FAM120C: variants seen among roughly 807,000 people sequenced by gnomAD.
FAM120C encodes the protein constitutive coactivator of PPAR-gamma-like protein 2.
Under a neutral mutation model 71.2 loss-of-function variants are expected in FAM120C, and 14 were observed. That is an observed-to-expected ratio of 0.20 (90% CI 0.13 to 0.31). FAM120C has a LOEUF of 0.31. Among genes scored for constraint, FAM120C ranks in the 10% least tolerant of loss-of-function variants. The pLI is 1.00. For synonymous variants in FAM120C, 354 were observed against 353.2 expected (o/e 1.00, Z -0.03); for missense variants, 500 against 879.0 (o/e 0.57, Z 5.45).
intron 12 of FAM120C, among the ~76,000 whole-genome samples, chrX:54,086,315 C>T (rs2066793944): frequency 8.9e-6 from 1 of 112,138 alleles, no homozygotes; most frequent in South Asian, 3.7e-4. Context: ...TTAACCTTCT[C>T]CCCCATATCC....
chrX:54,083,374 G>C (rs781918511), intron 13 of FAM120C, among the ~76,000 whole-genome samples: 3 of 107,289 alleles, frequency 2.8e-5, no homozygotes, highest in Non-Finnish European at 5.8e-5. Context: ...AGCCAAGGCA[G>C]GCAGGATCGC....
chrX:54,128,425 G>A (rs940206086), intron 9 of FAM120C, among the ~76,000 whole-genome samples: 5 of 110,920 alleles, frequency 4.5e-5, no homozygotes, highest in Non-Finnish European at 9.4e-5. Context: ...TATATTTGTC[G>A]GTCACTTGTA....
chrX:54,182,869 G>GGCGGC lies in FAM120C; in HGVS notation c.329_330insGCCGC (p.Gln112ProfsTer87), dbSNP rs1557137665. On this transcript the variant is annotated frameshift_variant, in exon 1 of 16. Transcript: ENST00000375180. LOFTEE classifies it high-confidence loss of function. ...GCACCCGGGCCCCGGGCAGCTGAGG[G>GGCGGC]GGCGGCGGCGGCGGCAGCGGAGGGT... 9.9e-4 allele frequency: 1,124 copies of GGCGGC among 1,132,890 alleles called. 6 individuals carry two copies. The highest frequency in any genetic ancestry group is 8.2e-4 in the Non-Finnish European group (700 of 858,884). 93.4% of individuals were successfully genotyped at this position (1,132,890 alleles called of 1,213,427 possible). A position where few individuals can be genotyped will look rare whatever the true frequency, so the allele number is the denominator to read the frequency against.
At chrX:54,170,536 T>C (rs1557135799) in intron 1 of FAM120C, among the ~76,000 whole-genome samples, 1 of 112,021 alleles carries the variant, frequency 8.9e-6, no homozygotes, top group Non-Finnish European at 1.9e-5. Flanking sequence ...ACTTGGATTT[T>C]TAAAAAACCT....
intron 10 of FAM120C, among the ~76,000 whole-genome samples, chrX:54,095,948 G>A (rs905180133): frequency 4.5e-5 from 5 of 111,498 alleles, no homozygotes; most frequent in Non-Finnish European, 3.8e-5. Context: ...GAGCCACTGT[G>A]CCAGGCCACA....
intron 13 of FAM120C, 79 bp downstream of exon 13, chrX:54,085,636 C>T: frequency 2.1e-6 from 2 of 934,262 alleles, no homozygotes; most frequent in Non-Finnish European, 1.5e-6. Flanking sequence ...ACTGTTGATC[C>T]TGTTATTGAC....
chrX:54,088,182 T>G (rs2066804196), intron 11 of FAM120C, among the ~76,000 whole-genome samples: 1 of 111,470 alleles, frequency 9.0e-6, no homozygotes, highest in Non-Finnish European at 1.9e-5. Context: ...TGAGACATTT[T>G]TTTTTCACCT....
Position 54,085,903 on chromosome X carries a change from G to C in FAM120C, c.2651C>G (p.Thr884Ser), listed in dbSNP as rs782315833. 5.0e-6 allele frequency: 6 copies of C among 1,211,409 alleles called. No homozygotes were observed. Among genetic ancestry groups the C allele is most frequent in the Non-Finnish European group, 6.7e-6 (6 of 895,215 alleles). ...ELCDGQADLA[T>S]KVEKMRQSIL... The stretch of plus-strand genomic sequence containing the variant: ...GCTCTGTCTCATCTTTTCCACTTTG[G>C]TTGCCAGGTCAGCCTTCAAATGAGG... Residue 884 changes from threonine (T) to serine (S), a missense_variant, in exon 13 of 16, where the codon ACC (threonine) becomes AGC (serine). This residue lies in a region of FAM120C where 104 missense variants were observed against 254.5 expected (regional missense o/e 0.41). Coordinates refer to ENST00000375180, the MANE Select transcript of FAM120C (RefSeq NM_017848.6).
intron 9 of FAM120C, among the ~76,000 whole-genome samples, chrX:54,128,553 G>A (rs1343999057): frequency 1.8e-5 from 2 of 109,993 alleles, no homozygotes; most frequent in Non-Finnish European, 3.8e-5. Context: ...GACAATAGTG[G>A]AGGGAAGGTC....
intron 4 of FAM120C, among the ~76,000 whole-genome samples, chrX:54,143,474 T>C (rs1557131985): frequency 8.9e-6 from 1 of 112,254 alleles, no homozygotes; most frequent in African/African-American, 3.2e-5. Flanking sequence ...TAAAAAATGA[T>C]AAAGGGGATA....
intron 9 of FAM120C, among the ~76,000 whole-genome samples, chrX:54,118,855 C>A (rs1424975962): frequency 7.2e-5 from 3 of 41,544 alleles, no homozygotes; most frequent in Non-Finnish European, 1.2e-4. Flanking sequence ...CCAATGCTAT[C>A]CCTCCCCCCT....
intron 1 of FAM120C, among the ~76,000 whole-genome samples, chrX:54,168,683 T>C (rs1603364781): frequency 1.8e-5 from 2 of 111,658 alleles, no homozygotes; most frequent in South Asian, 3.8e-4. Flanking sequence ...TTTCAACCAA[T>C]AGGTACTGAA....
At chrX:54,160,872 T>C (rs1014080707) in intron 1 of FAM120C, among the ~76,000 whole-genome samples, 2 of 111,489 alleles carry the variant, frequency 1.8e-5, no homozygotes, top group Non-Finnish European at 3.8e-5. Context: ...TGGACCTTGA[T>C]AGTTTTTTTC....
rs149799597 is a variant in FAM120C at position 54,085,797 on chromosome X, G to A, written c.2757C>T (p.Pro919=). The A allele has an allele frequency of 7.9e-5, 95 of 1,209,608 alleles. No individual in the cohort carries two copies. In the African/African-American group the frequency reaches 1.3e-3, roughly 17 times the overall value. The part of the protein sequence containing the change: ...PSPTFVPPMV[P]SLYPVSLYSR... ...AATAAAGTGAAACAGGGTAGAGAGA[G>A]GGCACCATGGGAGGCACAAAAGTAG... Residue 919 remains proline (P), a synonymous_variant, in exon 13 of 16, where the codon CCC becomes CCT. Coordinates refer to ENST00000375180, the MANE Select transcript of FAM120C (RefSeq NM_017848.6).
chrX:54,112,935 G>T (rs1278330576), intron 10 of FAM120C, among the ~76,000 whole-genome samples: 1 of 110,379 alleles, frequency 9.1e-6, no homozygotes, highest in Non-Finnish European at 1.9e-5. Context: ...CAGGAGAATC[G>T]CTTGAACCTG....
At chrX:54,153,102 A>C (rs1385880643) in intron 3 of FAM120C, among the ~76,000 whole-genome samples, 15 of 111,577 alleles carry the variant, frequency 1.3e-4, no homozygotes, top group African/African-American at 3.9e-4. Context: ...AGTAGAGAAG[A>C]AGCTAGGGAA....
intron 15 of FAM120C, 146 bp from the exon 16 acceptor site, chrX:54,073,433 C>CTT (rs1237792457): frequency 3.5e-4 from 145 of 416,197 alleles, no homozygotes; most frequent in Non-Finnish European, 4.2e-4. Flanking sequence ...CTAGTACAAT[C>CTT]TTTTTTTTTT....
At chrX:54,111,544 C>CA (rs58694740) in intron 10 of FAM120C, among the ~76,000 whole-genome samples, 5 of 101,569 alleles carry the variant, frequency 4.9e-5, no homozygotes, top group African/African-American at 7.2e-5. Context: ...ACAATAGCTA[C>CA]AAAAAAAAAA....
intron 1 of FAM120C, among the ~76,000 whole-genome samples, chrX:54,180,311 G>T (rs1557137198): frequency 8.9e-6 from 1 of 112,179 alleles, no homozygotes; most frequent in African/African-American, 3.2e-5. Flanking sequence ...TAGCACCATC[G>T]GTGAAGCCTT....
Sources: allele counts gnomAD v4.1 joint callset (sites outside exome capture counted in the v4.1 genomes callset), GRCh38; gene constraint gnomAD v4.1.1; regional missense constraint gnomAD v4.1.1; transcripts MANE v1.5; gene names NCBI Gene and HGNC (gene_info 2026-07-23, HGNC 2026-07-21).